TTYH1: variants seen among roughly 807,000 people sequenced by gnomAD.
The protein encoded by TTYH1 is protein tweety homolog 1.
TTYH1 carries 33 observed loss-of-function variants against 61.2 expected under a neutral mutation model. The observed-to-expected ratio is 0.54, with a 90% CI of 0.41 to 0.72. The LOEUF (loss-of-function observed/expected upper bound fraction) is 0.72, where lower values mean the gene tolerates loss of function less well. Among genes scored for constraint, TTYH1 ranks in the 30% least tolerant of loss-of-function variants. The pLI is 0.00. For synonymous variants in TTYH1, 308 were observed against 266.4 expected (o/e 1.16, Z -1.52); for missense variants, 538 against 575.8 (o/e 0.93, Z 0.67).
chr19:54,426,686 G>C lies in TTYH1; in HGVS notation c.652G>C (p.Val218Leu). The C allele has an allele frequency of 1.2e-6, 2 of 1,613,890 alleles. No homozygotes were observed. The highest frequency in any genetic ancestry group is 1.7e-6 in the Non-Finnish European group (2 of 1,179,980). Residue 218 changes from valine to leucine, a missense_variant, in exon 5 of 14, where the codon GTC becomes CTC. Physicochemically the swap from Val to Leu is conservative, Grantham distance 32. This residue lies in a region of TTYH1 where 378 missense variants were observed against 401.2 expected (regional missense o/e 0.94). Transcript: ENST00000376530. ...CTCCCCTCCCAGGTGGCTGGCCTAC[G>C]TCCTCCTGCTGCTCCTGGAGCTGCT... ...FVEEYRWLAYVLLLLLELLVC... is the reference protein window; with the variant it reads ...FVEEYRWLAYLLLLLLELLVC...
chr19:54,423,993 G>T (rs139118454), intron 4 of TTYH1, among the ~76,000 whole-genome samples: 2 of 151,924 alleles, frequency 1.3e-5, no homozygotes, highest in African/African-American at 4.8e-5. Context: ...AAATCCCGTC[G>T]CTACTAAAAA....
At position 54,435,434 on chromosome 19, in the gene TTYH1, T is replaced by C. The variant is rs3745421; in HGVS notation, c.1126-108T>C. The C allele has an allele frequency of 4.3e-3, 5,908 of 1,362,568 alleles. 255 individuals carry two copies. The Admixed American group carries it at 0.093, about 22-fold the overall frequency. The allele number at this position is 1,362,568 out of a possible 1,614,324, so 84.4% of individuals were successfully genotyped here. A position where few individuals can be genotyped will look rare whatever the true frequency, so the allele number is the denominator to read the frequency against. On this transcript the variant is annotated intron_variant, in intron 10 of 13. Coordinates refer to ENST00000376530, the MANE Select transcript of TTYH1 (RefSeq NM_020659.4). Reference sequence around the variant, plus strand: ...GGAAACTGAGGCACAGAGTGGTCAGTTGACGTGTGCAGTACCACAGCCGGG... The same window carrying C: ...GGAAACTGAGGCACAGAGTGGTCAGCTGACGTGTGCAGTACCACAGCCGGG...
At chr19:54,422,146 C>T in intron 3 of TTYH1, 44 bp from the exon 4 acceptor site, 2 of 1,501,348 alleles carry the variant, frequency 1.3e-6, no homozygotes, top group East Asian at 2.5e-5. Flanking sequence ...CGCGGGCTCC[C>T]CCCAGGATGT....
Position 54,430,882 on chromosome 19 carries a change from G to C in TTYH1, c.1009G>C (p.Val337Leu). The C allele has an allele frequency of 6.2e-7, 1 of 1,613,488 alleles. No individual in the cohort carries two copies. ...GCTGCTGGGCCTGGAGCGAGAAGCT[G>C]TGCCTCAGTTCCCTTCAGCGCAGGT... ...SQLLGLEREA[V>L]PQFPSAQKPL... Residue 337 changes from valine to leucine, a missense_variant, in exon 9 of 14, where the codon GTG (valine) becomes CTG (leucine). Physicochemically the swap from Val to Leu is conservative, Grantham distance 32. Transcript: ENST00000376530.
chr19:54,417,670 C>G (rs2083115706), intron 1 of TTYH1, among the ~76,000 whole-genome samples: 1 of 149,174 alleles, frequency 6.7e-6, no homozygotes, highest in Non-Finnish European at 1.5e-5. Flanking sequence ...CCGTCACATA[C>G]ACGTTTATAC....
chr19:54,435,999 G>T, intron 12 of TTYH1, 92 bp from the exon 13 acceptor site: 1 of 1,574,906 alleles, frequency 6.3e-7, no homozygotes, highest in Admixed American at 1.7e-5. Flanking sequence ...CGGACTCCTG[G>T]GTCTGAGGGA....
chr19:54,429,561 A>G lies in TTYH1; in HGVS notation c.807+182A>G, dbSNP rs1204205911. 2.7e-5 allele frequency among the ~76,000 whole-genome samples: 4 copies of G among 149,728 alleles called. No individual in the cohort carries two copies. The East Asian group carries it at 7.9e-4, about 29-fold the overall frequency. ...TACAGATTGGTGTCCTGGACGTTTG[A>G]GCTGTAATGGAGGAGGGGCTGGAAA... On this transcript the variant is annotated intron_variant, in intron 6 of 13. Coordinates refer to ENST00000376530, the MANE Select transcript of TTYH1 (RefSeq NM_020659.4). This position sits in a 1 kb window ranked among gnomAD's most constrained non-coding sequence, Gnocchi z 5.1.
chr19:54,432,843 C>A (rs1038658071), intron 10 of TTYH1: 1 of 152,178 alleles, frequency 6.6e-6, no homozygotes, highest in Non-Finnish European at 1.5e-5. Context: ...GCAACCCTAC[C>A]CAAGAGGGAT....
In TTYH1 at chr19:54,429,770, G is replaced by A; in HGVS notation, c.808-112G>A. Reference sequence around the variant, plus strand: ...CTGAGTCTGAGGGAAGAGGGGCTGGGACCTGGACCCCTGGGTGGGGAGGGG... The same window carrying A: ...CTGAGTCTGAGGGAAGAGGGGCTGGAACCTGGACCCCTGGGTGGGGAGGGG... On this transcript the variant is annotated intron_variant, in intron 6 of 13. Transcript: ENST00000376530. The surrounding 1 kb of genome is among the most constrained non-coding windows in gnomAD (Gnocchi z 5.1). 1.1e-6 allele frequency: 1 copy of A among 912,474 alleles called. No individual in the cohort carries two copies. 56.5% of individuals were successfully genotyped at this position (912,474 alleles called of 1,614,324 possible).
rs1360018013 is a variant in TTYH1 at position 54,419,050 on chromosome 19, C to T, written c.127-78C>T. Reference sequence around the variant, plus strand: ...ACTCTGACATCCCAGACCCCGACCCCCCAGCCACGCAGGAAGGGGGATCTG... The same window carrying T: ...ACTCTGACATCCCAGACCCCGACCCTCCAGCCACGCAGGAAGGGGGATCTG... On this transcript the variant is annotated intron_variant, in intron 1 of 13. Transcript: ENST00000376530. This position sits in a 1 kb window ranked among gnomAD's most constrained non-coding sequence, Gnocchi z 6.1. 7.7e-5 allele frequency: 113 copies of T among 1,459,228 alleles called. No individual in the cohort carries two copies. Among genetic ancestry groups the T allele is most frequent in the Non-Finnish European group, 7.4e-6 (8 of 1,077,054 alleles). The allele number at this position is 1,459,228 out of a possible 1,614,324, so 90.4% of individuals were successfully genotyped here.
At chr19:54,430,928 GAC>G (rs747886633) in intron 9 of TTYH1, 23 bp downstream of exon 9, 10 of 1,607,376 alleles carry the variant, frequency 6.2e-6, no homozygotes, top group Non-Finnish European at 8.5e-6. Context: ...GCGCTCCCCA[GAC>G]ACGCGGACCC....
rs1422199291 is a variant in TTYH1, at chr19:54,434,604, G to A, written c.1126-938G>A. ...TCCTGGTACTGGGGGCAGCGCCTGG[G>A]GCAGAGCAGGCTCTGTCAACCCCCA... On this transcript the variant is annotated intron_variant, in intron 10 of 13. Coordinates refer to ENST00000376530, the MANE Select transcript of TTYH1 (RefSeq NM_020659.4). This position sits in a 1 kb window ranked among gnomAD's most constrained non-coding sequence, Gnocchi z 4.3. 7.9e-5 allele frequency: 12 copies of A among 152,224 alleles called. No individual in the cohort carries two copies. The highest frequency in any genetic ancestry group is 7.9e-4 in the Admixed American group (12 of 15,268). 9.4% of individuals were successfully genotyped at this position (152,224 alleles called of 1,614,324 possible).
At position 54,418,126 on chromosome 19, in the gene TTYH1, A is replaced by G. The variant is rs143799480; in HGVS notation, c.127-1002A>G. ...GTCCAGAGGTGTGACTCTGATCCCA[A>G]TGTTGTCCCTCCATGCTCCGGGGCT... is the stretch of plus-strand genomic sequence containing the variant. On this transcript the variant is annotated intron_variant, in intron 1 of 13. Coordinates refer to ENST00000376530, the MANE Select transcript of TTYH1 (RefSeq NM_020659.4). 7.3e-3 allele frequency: 1,116 copies of G among 152,128 alleles called. 7 individuals carry two copies. Among genetic ancestry groups the G allele is most frequent in the Non-Finnish European group, 0.012 (830 of 68,034 alleles). 9.4% of individuals were successfully genotyped at this position (152,128 alleles called of 1,614,324 possible).
At chr19:54,424,989 C>T (rs2083293966) in intron 4 of TTYH1, among the ~76,000 whole-genome samples, 1 of 152,166 alleles carries the variant, frequency 6.6e-6, no homozygotes, top group Non-Finnish European at 1.5e-5. Flanking sequence ...CTTGGCCTCA[C>T]GGATTCCAAG....
In TTYH1 at chr19:54,436,711, T is replaced by C; in HGVS notation, c.*421T>C. 2.7e-6 allele frequency: 1 copy of C among 373,978 alleles called. No individual in the cohort carries two copies. Among genetic ancestry groups the C allele is most frequent in the African/African-American group, 2.0e-5 (1 of 49,258 alleles). The allele number at this position is 373,978 out of a possible 1,614,324, so 23.2% of individuals were successfully genotyped here. On this transcript the variant is annotated 3_prime_UTR_variant, in exon 14 of 14. Transcript: ENST00000376530. The surrounding 1 kb of genome is among the most constrained non-coding windows in gnomAD (Gnocchi z 4.3). ...ATTTAAAATAAAAGGGAAGACTATTTTACAAGCAGCTGGGTCCTCCTTATT... is the reference window on the plus strand; with the variant it reads ...ATTTAAAATAAAAGGGAAGACTATTCTACAAGCAGCTGGGTCCTCCTTATT...
rs1259935953 is a variant in TTYH1, at chr19:54,416,943, C to G, written c.126+1265C>G. ...GCCAGAGGCACGGGTTTGGGGGAGC[C>G]TCACTCCGCCCCCACGGTCGGGGGT... On this transcript the variant is annotated intron_variant, in intron 1 of 13. Transcript: ENST00000376530. The surrounding 1 kb of genome is among the most constrained non-coding windows in gnomAD (Gnocchi z 7.0). 1.6e-6 allele frequency: 2 copies of G among 1,256,660 alleles called. No individual in the cohort carries two copies. The highest frequency in any genetic ancestry group is 2.1e-6 in the Non-Finnish European group (2 of 972,106). The allele number at this position is 1,256,660 out of a possible 1,614,324, so 77.8% of individuals were successfully genotyped here.
chr19:54,430,435 C>T, intron 7 of TTYH1, 115 bp from the exon 8 acceptor site: 1 of 1,157,190 alleles, frequency 8.6e-7, no homozygotes, highest in South Asian at 1.3e-5. Context: ...CCATCGGGCT[C>T]CAGGGCTGGG....
At chr19:54,417,682 C>G (rs2083115898) in intron 1 of TTYH1, among the ~76,000 whole-genome samples, 1 of 145,942 alleles carries the variant, frequency 6.9e-6, no homozygotes. Context: ...CGTTTATACT[C>G]CCATACACAC....
rs2083188156 is a variant in TTYH1, at chr19:54,420,457, GCGTCCGAC to G, written c.306-818_306-811del. ...CTGAACAATGGGGCGGGGACACTGGGCGTCCGACCCGAGGGATGGGGGTGGAGGCCCAG... is the reference window on the plus strand; with the variant it reads ...CTGAACAATGGGGCGGGGACACTGGGCCGAGGGATGGGGGTGGAGGCCCAG... On this transcript the variant is annotated intron_variant, in intron 2 of 13. Coordinates refer to ENST00000376530, the MANE Select transcript of TTYH1 (RefSeq NM_020659.4). The surrounding 1 kb of genome is among the most constrained non-coding windows in gnomAD (Gnocchi z 4.8). Among the ~76,000 whole-genome samples the G allele has an allele frequency of 1.3e-5, 2 of 152,042 alleles. No homozygotes were observed. Among genetic ancestry groups the G allele is most frequent in the African/African-American group, 4.8e-5 (2 of 41,408 alleles).
Sources: allele counts gnomAD v4.1 joint callset (sites outside exome capture counted in the v4.1 genomes callset), GRCh38; gene constraint gnomAD v4.1.1; regional missense constraint gnomAD v4.1.1; non-coding constraint Gnocchi (gnomAD v3.1); transcripts MANE v1.5; gene names NCBI Gene and HGNC (gene_info 2026-07-23, HGNC 2026-07-21).